SRGAP2: variants seen among roughly 807,000 people sequenced by gnomAD.
SRGAP2 encodes SLIT-ROBO Rho GTPase-activating protein 2.
SRGAP2 carries 15 observed loss-of-function variants against 57.2 expected under a neutral mutation model. That is an observed-to-expected ratio of 0.26 (90% CI 0.18 to 0.40). SRGAP2 has a LOEUF of 0.40. Among genes scored for constraint, SRGAP2 ranks in the 10% least tolerant of loss-of-function variants. The pLI is 1.00. For synonymous variants in SRGAP2, 249 were observed against 248.0 expected, an observed-to-expected ratio of 1.00 and a Z score of -0.04; for missense variants, 520 against 669.6, an observed-to-expected ratio of 0.78 and a Z score of 2.47.
chr1:206,410,985 C>A (rs868906191), intron 10 of SRGAP2, among the ~76,000 whole-genome samples: 1 of 152,212 alleles, frequency 6.6e-6, no homozygotes, highest in African/African-American at 2.4e-5. Context: ...CTCAGCCTCC[C>A]AAGTAGCTGG....
intron 20 of SRGAP2, chr1:206,453,662 A>C: frequency 3.4e-6 from 1 of 291,936 alleles, no homozygotes. Context: ...GCACTCATCC[A>C]TATTTATACC....
At chr1:206,268,081 ATTTTTTTTTTT>A (rs71568075) in intron 2 of SRGAP2, among the ~76,000 whole-genome samples, 3 of 145,258 alleles carry the variant, frequency 2.1e-5, no homozygotes, top group African/African-American at 5.2e-5. Flanking sequence ...ATATATATAT[ATTTTTTTTTTT>A]TTTTAAATTA....
At chr1:206,372,962 T>C (rs1321849548) in intron 4 of SRGAP2, among the ~76,000 whole-genome samples, 98 of 10,044 alleles carry the variant, frequency 9.8e-3, no homozygotes, top group East Asian at 0.023. Context: ...TTTCTTTTCT[T>C]TCCTTTCTTT....
chr1:206,432,041 C>G (rs1661317560), intron 14 of SRGAP2, among the ~76,000 whole-genome samples: 3 of 152,200 alleles, frequency 2.0e-5, no homozygotes, highest in Admixed American at 2.0e-4. Context: ...AGATGGGAAG[C>G]CACTGGAGAA....
intron 13 of SRGAP2, among the ~76,000 whole-genome samples, chr1:206,423,345 A>G (rs1360330552): frequency 2.6e-5 from 4 of 152,184 alleles, no homozygotes; most frequent in African/African-American, 9.7e-5. Flanking sequence ...TTGTTCCCTT[A>G]GATGAATCTT....
intron 2 of SRGAP2, among the ~76,000 whole-genome samples, chr1:206,213,658 A>G (rs1666454854): frequency 6.6e-6 from 1 of 152,028 alleles, no homozygotes; most frequent in South Asian, 2.1e-4. Flanking sequence ...GGTGGCTTAC[A>G]TCTGTAATCC....
intron 2 of SRGAP2, among the ~76,000 whole-genome samples, chr1:206,276,986 C>T (rs1457787173): frequency 2.0e-5 from 3 of 148,126 alleles, no homozygotes; most frequent in East Asian, 2.0e-4. Context: ...TTTTTTGAGA[C>T]GGAGTTTTGC....
In SRGAP2 at chr1:206,243,591, A is replaced by G. The variant is rs563314237; in HGVS notation, c.67+37554A>G. On this transcript the variant is annotated intron_variant, in intron 2 of 22. Transcript: ENST00000573034. ...TCCTTCAGACCTTCCTCTTTTGTAG[A>G]AAGTTTCATTCTTTGTGTGTCTCAG... Among the ~76,000 whole-genome samples, 47 of 152,238 alleles carry G rather than the reference A, an allele frequency of 3.1e-4. 1 individual carries two copies. The South Asian group carries it at 8.7e-3, about 28-fold the overall frequency.
chr1:206,254,897 C>T (rs1350983179), intron 2 of SRGAP2, among the ~76,000 whole-genome samples: 5 of 150,532 alleles, frequency 3.3e-5, no homozygotes, highest in East Asian at 2.0e-4. Context: ...GCTCTACCCC[C>T]GTTGTAGTCT....
chr1:206,428,564 G>A (rs1245770817), intron 13 of SRGAP2, among the ~76,000 whole-genome samples: 2 of 152,154 alleles, frequency 1.3e-5, no homozygotes, highest in African/African-American at 4.8e-5. Flanking sequence ...TTAGGTCTCC[G>A]AGGGAGATTG....
chr1:206,456,729 G>A (rs1184813489), intron 21 of SRGAP2, among the ~76,000 whole-genome samples: 4 of 152,208 alleles, frequency 2.6e-5, no homozygotes, highest in African/African-American at 9.6e-5. Flanking sequence ...CACCTGGTGG[G>A]TGGGTGAGCG....
chr1:206,336,032 T>C (rs566372611), intron 3 of SRGAP2, among the ~76,000 whole-genome samples: 1 of 151,812 alleles, frequency 6.6e-6, no homozygotes, highest in Non-Finnish European at 1.5e-5. Context: ...ATGGTGCTAG[T>C]CCAGTTCTCT....
intron 14 of SRGAP2, among the ~76,000 whole-genome samples, chr1:206,433,681 T>TAC (rs1489266784): frequency 6.7e-6 from 1 of 150,236 alleles, no homozygotes; most frequent in African/African-American, 2.4e-5. Flanking sequence ...AGAGTATGGG[T>TAC]ACAACCCAAA....
intron 3 of SRGAP2, among the ~76,000 whole-genome samples, chr1:206,306,079 A>G (rs1401773521): frequency 6.6e-6 from 1 of 151,968 alleles, no homozygotes; most frequent in East Asian, 1.9e-4. Context: ...TTAGTACTAT[A>G]TCATATTCTC....
chr1:206,423,700 C>T (rs1342709551), intron 13 of SRGAP2, among the ~76,000 whole-genome samples: 1 of 151,044 alleles, frequency 6.6e-6, no homozygotes, highest in African/African-American at 2.5e-5. Flanking sequence ...AAGTACCTAA[C>T]AAAAACTCTA....
intron 2 of SRGAP2, among the ~76,000 whole-genome samples, chr1:206,286,342 A>G (rs1671023229): frequency 1.3e-5 from 2 of 152,208 alleles, no homozygotes; most frequent in Non-Finnish European, 2.9e-5. Context: ...TTTCTAAAGG[A>G]ATAACTCTTG....
chr1:206,278,103 C>T (rs1401478881), intron 2 of SRGAP2, among the ~76,000 whole-genome samples: 1 of 151,996 alleles, frequency 6.6e-6, no homozygotes, highest in Non-Finnish European at 1.5e-5. Context: ...CTCATCTGTG[C>T]AACAGGTATT....
At chr1:206,370,877 G>A (rs1355242433) in intron 4 of SRGAP2, among the ~76,000 whole-genome samples, 1 of 151,992 alleles carries the variant, frequency 6.6e-6, no homozygotes, top group South Asian at 2.1e-4. Flanking sequence ...GAACTGAAAC[G>A]TCAGAAAACA....
At chr1:206,260,517 G>A (rs1669485975) in intron 2 of SRGAP2, among the ~76,000 whole-genome samples, 1 of 151,966 alleles carries the variant, frequency 6.6e-6, no homozygotes, top group Admixed American at 6.6e-5. Flanking sequence ...GTTTCTTTAT[G>A]TAAATAAAAG....
Sources: gnomAD v4.1 joint callset for allele counts (sites outside exome capture counted in the v4.1 genomes callset) on GRCh38, gnomAD v4.1.1 for gene constraint, MANE v1.5 for transcripts, NCBI Gene and HGNC (gene_info 2026-07-23, HGNC 2026-07-21) for gene names.